Variants in RUFY3 observed in about 807,000 individuals in gnomAD.
The protein encoded by RUFY3 is RUN and FYVE domain containing 3.
Under a neutral mutation model 84.0 loss-of-function variants are expected in RUFY3, and 34 were observed. The observed-to-expected ratio is 0.40, with a 90% CI of 0.31 to 0.54. RUFY3 has a LOEUF of 0.54. Ranked by LOEUF, RUFY3 falls within the 20% of genes least tolerant of loss-of-function variation. RUFY3 has a pLI of 0.39. For missense variants in RUFY3, 507 were observed against 736.8 expected, an observed-to-expected ratio of 0.69 and a Z score of 3.61; for synonymous variants, 242 against 252.9, an observed-to-expected ratio of 0.96 and a Z score of 0.41.
At chr4:70,778,023 A>ACCTGC (rs1348188380) in intron 7 of RUFY3, among the ~76,000 whole-genome samples, 1 of 152,152 alleles carries the variant, frequency 6.6e-6, no homozygotes, top group Non-Finnish European at 1.5e-5. Context: ...CTTGAGGTCA[A>ACCTGC]CAGTTTGAGA....
intron 1 of RUFY3, among the ~76,000 whole-genome samples, chr4:70,749,816 A>AT (rs1427935944): frequency 6.6e-6 from 1 of 151,488 alleles, no homozygotes; most frequent in Admixed American, 6.6e-5. Context: ...CACCCAGCTA[A>AT]TTTTTTGTGT....
At chr4:70,716,582 G>A (rs1208777481) in intron 1 of RUFY3, among the ~76,000 whole-genome samples, 3 of 152,068 alleles carry the variant, frequency 2.0e-5, no homozygotes. Context: ...GGTGGCTCAT[G>A]CCTGTAATTC....
At chr4:70,775,966 A>T (rs536782637) in intron 7 of RUFY3, among the ~76,000 whole-genome samples, 2 of 152,150 alleles carry the variant, frequency 1.3e-5, no homozygotes, top group African/African-American at 4.8e-5. Flanking sequence ...AACGAAAAAA[A>T]AGATACATGC....
intron 14 of RUFY3, among the ~76,000 whole-genome samples, chr4:70,798,048 C>T (rs1044090141): frequency 6.6e-6 from 1 of 151,980 alleles, no homozygotes; most frequent in African/African-American, 2.4e-5. Flanking sequence ...AAGTATTGAC[C>T]TCTCTTCCTT....
chr4:70,769,167 T>C (rs1237881606), intron 5 of RUFY3, among the ~76,000 whole-genome samples: 4 of 152,100 alleles, frequency 2.6e-5, no homozygotes, highest in Admixed American at 2.6e-4. Context: ...GGCAACATAG[T>C]GAGACCCCGT....
intron 1 of RUFY3, among the ~76,000 whole-genome samples, chr4:70,742,879 TTGGTCAA>T (rs1349813134): frequency 3.3e-5 from 5 of 152,186 alleles, no homozygotes; most frequent in African/African-American, 1.2e-4. Context: ...CTCTTTTCCT[TTGGTCAA>T]ACTATTTTTA....
intron 1 of RUFY3, among the ~76,000 whole-genome samples, chr4:70,733,123 AGGGAGGGAGGGAGG>A (rs1719670478): frequency 1.8e-5 from 1 of 54,924 alleles, no homozygotes; most frequent in Non-Finnish European, 3.3e-5. Flanking sequence ...AGAGAGAGGG[AGGGAGGGAGGGAGG>A]GAGAGAGAGA....
exon 1 of RUFY3, chr4:70,704,902 G>A: frequency 8.4e-7 from 1 of 1,194,884 alleles, no homozygotes; most frequent in South Asian, 4.1e-5. Context: ...AGGCCCGGGC[G>A]CGAATCGGAG....
chr4:70,780,294 T>G (rs1728692146), intron 8 of RUFY3, among the ~76,000 whole-genome samples: 1 of 138,542 alleles, frequency 7.2e-6, no homozygotes, highest in Non-Finnish European at 1.5e-5. Context: ...TTTTGTTTTG[T>G]TTTTTGTTTT....
intron 1 of RUFY3, among the ~76,000 whole-genome samples, chr4:70,730,872 G>T (rs1719142084): frequency 6.6e-6 from 1 of 152,186 alleles, no homozygotes; most frequent in Non-Finnish European, 1.5e-5. Flanking sequence ...TAGAGTGTAA[G>T]TCCAACAATA....
rs1032245147 is a variant in RUFY3 at position 70,704,893 on chromosome 4, G to A, written c.-44G>A. Reference sequence around the variant, plus strand: ...CCCTGACCCTCTGCTCCCCCGCCCAGGCCCGGGCGCGAATCGGAGGCTGCG... The same window carrying A: ...CCCTGACCCTCTGCTCCCCCGCCCAAGCCCGGGCGCGAATCGGAGGCTGCG... On this transcript the variant is annotated 5_prime_UTR_variant, in exon 1 of 12. Coordinates refer to the RUFY3 transcript ENST00000417478. The A allele has an allele frequency of 4.2e-6, 5 of 1,186,304 alleles. No homozygotes were observed. The African/African-American group carries it at 6.4e-5, about 15-fold the overall frequency. The allele number at this position is 1,186,304 out of a possible 1,614,324, so 73.5% of individuals were successfully genotyped here.
At chr4:70,751,282 C>A (rs918955726) in intron 1 of RUFY3, among the ~76,000 whole-genome samples, 1 of 152,118 alleles carries the variant, frequency 6.6e-6, no homozygotes, top group Non-Finnish European at 1.5e-5. Flanking sequence ...GACATGTTTT[C>A]ATATTGAAAA....
intron 12 of RUFY3, chr4:70,793,261 G>A (rs1381731424): frequency 1.0e-6 from 1 of 989,820 alleles, no homozygotes; most frequent in Non-Finnish European, 1.2e-6. Context: ...GCCTAGGTGA[G>A]GGTTGATATA....
At chr4:70,793,500 T>C in intron 12 of RUFY3, 1 of 1,226,408 alleles carries the variant, frequency 8.2e-7, no homozygotes, top group Non-Finnish European at 1.0e-6. Context: ...TGATGTTTTA[T>C]TGTTTATCAT....
chr4:70,793,376 G>T, intron 12 of RUFY3: 1 of 1,046,522 alleles, frequency 9.6e-7, no homozygotes. Context: ...CCAGTTATGT[G>T]TGTAAAACAG....
intron 1 of RUFY3, among the ~76,000 whole-genome samples, chr4:70,739,557 C>T (rs1446835306): frequency 2.6e-5 from 4 of 152,112 alleles, no homozygotes; most frequent in Non-Finnish European, 5.9e-5. Flanking sequence ...AAATCAAAGA[C>T]ACTTGGTCTC....
chr4:70,777,711 A>G (rs1335784899), intron 7 of RUFY3, among the ~76,000 whole-genome samples: 2 of 152,340 alleles, frequency 1.3e-5, no homozygotes, highest in East Asian at 3.9e-4. Flanking sequence ...AATACCTAAC[A>G]TAAAGGGTTG....
intron 12 of RUFY3, among the ~76,000 whole-genome samples, chr4:70,790,881 C>G (rs1730696174): frequency 6.6e-6 from 1 of 152,068 alleles, no homozygotes; most frequent in Admixed American, 6.5e-5. Flanking sequence ...AATGTTAACT[C>G]AAAACTTAAT....
intron 14 of RUFY3, among the ~76,000 whole-genome samples, chr4:70,797,756 T>C (rs1013944776): frequency 2.0e-5 from 3 of 152,002 alleles, no homozygotes; most frequent in Non-Finnish European, 4.4e-5. Context: ...GGCAGGAGAA[T>C]TGGTTGAACC....
Sources: allele counts gnomAD v4.1 joint callset (sites outside exome capture counted in the v4.1 genomes callset), GRCh38; gene constraint gnomAD v4.1.1; transcripts MANE v1.5; gene names NCBI Gene and HGNC (gene_info 2026-07-23, HGNC 2026-07-21).